The following GNAS-AS1 variants were observed in gnomAD, a reference collection of about 807,000 sequenced individuals.
GNAS-AS1 encodes GNAS antisense RNA 1.
intron 4 of GNAS-AS1, among the ~76,000 whole-genome samples, chr20:58,823,500 C>G (rs372044489): frequency 6.6e-6 from 1 of 152,184 alleles, no homozygotes; most frequent in African/African-American, 2.4e-5. Flanking sequence ...CTGGAGCATG[C>G]GGTGATGTCC....
chr20:58,850,595 G>A (rs1019165153), exon 1 of GNAS-AS1: 25 of 398,676 alleles, frequency 6.3e-5, no homozygotes, highest in South Asian at 1.3e-4. Flanking sequence ...GCTGCTCCTC[G>A]CAGTAAGCCC....
intron 1 of GNAS-AS1, among the ~76,000 whole-genome samples, chr20:58,850,240 C>T (rs979620345): frequency 6.6e-6 from 1 of 152,194 alleles, no homozygotes; most frequent in Non-Finnish European, 1.5e-5. Flanking sequence ...GAGTTCTTTT[C>T]TTCCATTTGT....
At position 58,834,994 on chromosome 20, in the gene GNAS-AS1, A is replaced by G. The variant is rs574349230; in HGVS notation, n.819+6943T>C. ...GGTTTTCACCATTTCTACTGGTGAG[A>G]GCCAATTGATATCAGCGCAGTCTGA... is the stretch of plus-strand genomic sequence containing the variant. On this transcript the variant is annotated intron_variant and non_coding_transcript_variant, in intron 4 of 4. Transcript: ENST00000424094. Among the ~76,000 whole-genome samples, 3 of 152,248 alleles carry G rather than the reference A, an allele frequency of 2.0e-5. No individual in the cohort carries two copies. In the East Asian group the frequency reaches 5.8e-4, roughly 29 times the overall value.
intron 3 of GNAS-AS1, chr20:58,842,379 A>T: frequency 2.5e-6 from 1 of 398,290 alleles, no homozygotes; most frequent in Non-Finnish European, 4.4e-6. Flanking sequence ...CTTGAGATGA[A>T]TGACGGTCAG....
At chr20:58,850,375 T>TC (rs986938129) in intron 1 of GNAS-AS1, among the ~76,000 whole-genome samples, 2 of 152,126 alleles carry the variant, frequency 1.3e-5, no homozygotes, top group Admixed American at 6.5e-5. Flanking sequence ...AACAAAGGGG[T>TC]CCCACAGACC....
At chr20:58,823,889 G>A (rs1882481585) in intron 4 of GNAS-AS1, 1 of 396,778 alleles carries the variant, frequency 2.5e-6, no homozygotes, top group Admixed American at 4.4e-5. Context: ...CATTTGCATG[G>A]AGGCCCCAGG....
At position 58,841,505 on chromosome 20, in the gene GNAS-AS1, G is replaced by A. The variant is rs1488344045; in HGVS notation, n.819+432C>T. 2 of 991,690 alleles carry A rather than the reference G, an allele frequency of 2.0e-6. No individual in the cohort carries two copies. Among genetic ancestry groups the A allele is most frequent in the East Asian group, 1.1e-4 (1 of 9,042 alleles). The allele number at this position is 991,690 out of a possible 1,614,324, so 61.4% of individuals were successfully genotyped here. On this transcript the variant is annotated intron_variant and non_coding_transcript_variant, in intron 4 of 4. Coordinates refer to ENST00000424094, the Ensembl canonical transcript of GNAS-AS1. This position sits in a 1 kb window ranked among gnomAD's most constrained non-coding sequence, Gnocchi z 5.0. ...GTCCCAGAGCTGACAATTAAGCCGCGGGACCTCCGCGCCAGTGCCTCCAGC... is the reference window on the plus strand; with the variant it reads ...GTCCCAGAGCTGACAATTAAGCCGCAGGACCTCCGCGCCAGTGCCTCCAGC...
At chr20:58,844,189 A>T (rs1256853171) in intron 2 of GNAS-AS1, 1 of 152,218 alleles carries the variant, frequency 6.6e-6, no homozygotes, top group African/African-American at 2.4e-5. Context: ...ACTGAGCAGA[A>T]ACCATGGTGT....
At position 58,850,280 on chromosome 20, in the gene GNAS-AS1, T is replaced by C. The variant is rs547187679; in HGVS notation, n.374+250A>G. Among the ~76,000 whole-genome samples, 5 of 152,346 alleles carry C rather than the reference T, an allele frequency of 3.3e-5. No homozygotes were observed. The South Asian group carries it at 8.3e-4, about 25-fold the overall frequency. ...TGCTCTACTCTCCAGGATGAGGAAC[T>C]GGTATTTGTCTAACTTGTTAAATTT... On this transcript the variant is annotated intron_variant and non_coding_transcript_variant, in intron 1 of 4. Transcript: ENST00000424094.
intron 2 of GNAS-AS1, among the ~76,000 whole-genome samples, chr20:58,843,777 C>T (rs574065251): frequency 5.7e-4 from 87 of 152,236 alleles, no homozygotes; most frequent in Non-Finnish European, 7.9e-4. Flanking sequence ...GAGGGGAGGG[C>T]GACCCAAAGG....
chr20:58,841,364 C>G lies in GNAS-AS1; in HGVS notation n.819+573G>C. ...GAGAGCAGCCGCGCTGTAGAGACAC[C>G]GTTGAAATGTGCGGAAAGTAATCTG... is the stretch of plus-strand genomic sequence containing the variant. On this transcript the variant is annotated intron_variant and non_coding_transcript_variant, in intron 4 of 4. Coordinates refer to ENST00000424094, the Ensembl canonical transcript of GNAS-AS1. The surrounding 1 kb of genome is among the most constrained non-coding windows in gnomAD (Gnocchi z 5.0). 1 of 1,024,914 alleles carries G rather than the reference C, an allele frequency of 9.8e-7. No homozygotes were observed. The highest frequency in any genetic ancestry group is 1.2e-6 in the Non-Finnish European group (1 of 853,878). The allele number at this position is 1,024,914 out of a possible 1,614,324, so 63.5% of individuals were successfully genotyped here.
intron 4 of GNAS-AS1, chr20:58,836,586 A>G (rs2085604777): frequency 6.6e-6 from 1 of 152,226 alleles, no homozygotes; most frequent in Non-Finnish European, 1.5e-5. Context: ...CAGCAGACAG[A>G]GAGAGCCCCT....
exon 1 of GNAS-AS1, chr20:58,850,835 AC>A: frequency 2.5e-6 from 1 of 398,396 alleles, no homozygotes; most frequent in Non-Finnish European, 4.4e-6. Flanking sequence ...GCCGCCATAC[AC>A]CCGCCCCCCA....
At chr20:58,827,814 G>T (rs1304269607) in intron 4 of GNAS-AS1, among the ~76,000 whole-genome samples, 2 of 152,218 alleles carry the variant, frequency 1.3e-5, no homozygotes, top group African/African-American at 4.8e-5. Context: ...ACCTCTGGGG[G>T]ATTTGAGAGG....
chr20:58,839,816 A>G, intron 4 of GNAS-AS1: 1 of 592,432 alleles, frequency 1.7e-6, no homozygotes, highest in South Asian at 2.1e-5. Context: ...AGGCTGCGGA[A>G]TCTAAGACTC....
chr20:58,849,590 C>T (rs2086074173), intron 1 of GNAS-AS1, among the ~76,000 whole-genome samples: 1 of 152,226 alleles, frequency 6.6e-6, no homozygotes, highest in Non-Finnish European at 1.5e-5. Context: ...ATGTCTAAAA[C>T]CAAATCAGCA....
chr20:58,839,662 T>G (rs1042166761), intron 4 of GNAS-AS1: 4 of 422,262 alleles, frequency 9.5e-6, no homozygotes, highest in African/African-American at 4.1e-5. Flanking sequence ...CGCGGGGAGG[T>G]GGCCCCCACC....
chr20:58,835,439 C>T (rs911449516), intron 4 of GNAS-AS1, among the ~76,000 whole-genome samples: 11 of 152,052 alleles, frequency 7.2e-5, no homozygotes, highest in Admixed American at 5.9e-4. Flanking sequence ...GCTTTGCACA[C>T]GGTAGACACA....
At chr20:58,830,533 TACCATCAGCAC>T (rs2085558565) in intron 4 of GNAS-AS1, among the ~76,000 whole-genome samples, 1 of 410 alleles carries the variant, frequency 2.4e-3, no homozygotes, top group Non-Finnish European at 5.4e-3. Flanking sequence ...ACCACCATCA[TACCATCAGCAC>T]CACCATCACC....
Sources: gnomAD v4.1 joint callset for allele counts (sites outside exome capture counted in the v4.1 genomes callset) on GRCh38, gnomAD v4.1.1 for gene constraint, Gnocchi (gnomAD v3.1) non-coding constraint, MANE v1.5 for transcripts, NCBI Gene and HGNC (gene_info 2026-07-23, HGNC 2026-07-21) for gene names.